Variants in DCDC1 observed in about 807,000 individuals in gnomAD.
The protein encoded by DCDC1 is doublecortin domain containing 1.
A neutral mutation model predicts 178.3 loss-of-function variants in DCDC1; 200 were observed. The ratio of observed to expected loss-of-function variants is 1.12; its 90% confidence interval spans 1.00 to 1.26. DCDC1 has a LOEUF of 1.26. Ranked by LOEUF, DCDC1 falls within the 50% of genes most tolerant of loss-of-function variation. DCDC1 has a pLI of 0.00. For missense variants in DCDC1, 1,983 were observed against 1,749.2 expected (o/e 1.13, Z -2.38); for synonymous variants, 690 against 604.8 (o/e 1.14, Z -2.07).
intron 20 of DCDC1, among the ~76,000 whole-genome samples, chr11:30,978,806 ACACACACACACACACACACACC>A (rs756499460): frequency 0.023 from 1,661 of 72,276 alleles, 16 homozygotes; most frequent in Non-Finnish European, 0.043. Context: ...ACACACACAC[ACACACACACACACACACACACC>A]CCCTTCTCAG....
At chr11:31,151,028 G>A (rs77057311) in intron 9 of DCDC1, among the ~76,000 whole-genome samples, 3,132 of 152,226 alleles carry the variant, frequency 0.021, 96 homozygotes, top group African/African-American at 0.07. Flanking sequence ...GAAAAGGGTG[G>A]GATACTCACT....
chr11:30,956,963 C>A (rs569360850), intron 20 of DCDC1, among the ~76,000 whole-genome samples: 52 of 152,234 alleles, frequency 3.4e-4, no homozygotes, highest in African/African-American at 1.3e-3. Flanking sequence ...CTGCTGGAGC[C>A]CTTCTTATTT....
intron 35 of DCDC1, 86 bp downstream of exon 35, chr11:30,894,162 A>C (rs781183574): frequency 2.4e-5 from 36 of 1,497,388 alleles, no homozygotes; most frequent in Non-Finnish European, 3.2e-5. Context: ...ATATATTAAC[A>C]GTATCATTTT....
Position 30,918,009 on chromosome 11 carries a change from C to CA in DCDC1, c.3294-982dup, listed in dbSNP as rs138362731. On this transcript the variant is annotated intron_variant, in intron 25 of 38. Transcript: ENST00000684477. ...GCCTCATTCAGAACTACAGGCAGCA[C>CA]AAGCGGCTTCTGAAGGCAAACCTCT... Among the ~76,000 whole-genome samples, 1,310 of 151,978 alleles carry CA rather than the reference C, an allele frequency of 8.6e-3. 21 individuals are homozygous for CA. The highest frequency in any genetic ancestry group is 0.03 in the African/African-American group (1,264 of 41,468).
chr11:31,111,638 C>T (rs553296616), intron 11 of DCDC1, among the ~76,000 whole-genome samples: 1 of 152,234 alleles, frequency 6.6e-6, no homozygotes, highest in South Asian at 2.1e-4. Flanking sequence ...TGCCTGCAAA[C>T]CTATGGAAAA....
chr11:31,036,446 C>G (rs891210355), intron 20 of DCDC1, among the ~76,000 whole-genome samples: 1 of 152,126 alleles, frequency 6.6e-6, no homozygotes, highest in Non-Finnish European at 1.5e-5. Flanking sequence ...TAAGCCCTGA[C>G]CCACCTATGT....
At chr11:31,266,774 C>T (rs1294223855) in intron 7 of DCDC1, among the ~76,000 whole-genome samples, 2 of 152,160 alleles carry the variant, frequency 1.3e-5, no homozygotes, top group Non-Finnish European at 2.9e-5. Flanking sequence ...AATTCATTAG[C>T]TTTGTGACAA....
chr11:31,368,791 A>C lies in DCDC1; in HGVS notation c.-125+906T>G, dbSNP rs1003301057. ...AAAACCATTTTAACATCTCCAAGTG[A>C]AATTTATGTCATGCTGGCCAAAAAT... On this transcript the variant is annotated intron_variant, in intron 1 of 38. Transcript: ENST00000684477. 3.3e-5 allele frequency among the ~76,000 whole-genome samples: 5 copies of C among 152,240 alleles called. No individual in the cohort carries two copies. The South Asian group carries it at 1.0e-3, about 31-fold the overall frequency.
intron 12 of DCDC1, among the ~76,000 whole-genome samples, chr11:31,107,897 T>C (rs950851959): frequency 6.6e-6 from 1 of 152,204 alleles, no homozygotes; most frequent in Non-Finnish European, 1.5e-5. Context: ...CTGTAATCCC[T>C]GCAGGGATGT....
At chr11:31,267,759 A>T (rs1945267218) in intron 7 of DCDC1, among the ~76,000 whole-genome samples, 1 of 152,200 alleles carries the variant, frequency 6.6e-6, no homozygotes, top group Non-Finnish European at 1.5e-5. Flanking sequence ...AATATAAAAA[A>T]GTATCAGGAA....
At chr11:31,045,596 TG>T (rs1173827615) in intron 20 of DCDC1, among the ~76,000 whole-genome samples, 2 of 152,302 alleles carry the variant, frequency 1.3e-5, no homozygotes, top group East Asian at 3.9e-4. Flanking sequence ...ACACAATTGC[TG>T]TAAGTTTAGA....
intron 27 of DCDC1, among the ~76,000 whole-genome samples, chr11:30,913,849 C>T (rs748526185): frequency 1.3e-5 from 2 of 152,148 alleles, no homozygotes; most frequent in Non-Finnish European, 2.9e-5. Context: ...TTTCTCTTGC[C>T]GTAGGGTCAC....
intron 9 of DCDC1, among the ~76,000 whole-genome samples, chr11:31,238,537 G>A (rs1181598934): frequency 1.3e-5 from 2 of 152,052 alleles, no homozygotes; most frequent in Admixed American, 6.6e-5. Flanking sequence ...CTTTTCACAC[G>A]TTCCTTCCAC....
chr11:31,296,946 T>G (rs1422179239), intron 6 of DCDC1, among the ~76,000 whole-genome samples: 1 of 152,172 alleles, frequency 6.6e-6, no homozygotes, highest in Non-Finnish European at 1.5e-5. Flanking sequence ...AATATGAGAT[T>G]TCCGTGGGGA....
intron 7 of DCDC1, among the ~76,000 whole-genome samples, chr11:31,268,279 A>C (rs1025923423): frequency 2.0e-5 from 3 of 152,198 alleles, no homozygotes; most frequent in Admixed American, 6.5e-5. Flanking sequence ...AATCTACTTG[A>C]AGGTAGTCCC....
chr11:30,943,626 C>A, intron 21 of DCDC1: 1 of 452,826 alleles, frequency 2.2e-6, no homozygotes, highest in Non-Finnish European at 4.4e-6. Context: ...CAACTTTTCC[C>A]CCATAGAGTG....
intron 18 of DCDC1, among the ~76,000 whole-genome samples, chr11:31,075,223 TTTCA>T (rs1956794621): frequency 6.6e-6 from 1 of 152,194 alleles, no homozygotes; most frequent in Non-Finnish European, 1.5e-5. Flanking sequence ...AAATATATTA[TTTCA>T]TTCTTTTTAA....
intron 20 of DCDC1, among the ~76,000 whole-genome samples, chr11:31,025,291 GAA>G (rs1953148406): frequency 6.6e-6 from 1 of 151,554 alleles, no homozygotes; most frequent in Non-Finnish European, 1.5e-5. Flanking sequence ...CATCTGCTGA[GAA>G]AAAGAGAGTA....
intron 1 of DCDC1, among the ~76,000 whole-genome samples, chr11:31,352,041 G>T (rs996541539): frequency 2.6e-5 from 4 of 152,070 alleles, no homozygotes; most frequent in Admixed American, 6.5e-5. Flanking sequence ...AACTATTATT[G>T]AGAAACATAT....
Sources: allele counts gnomAD v4.1 joint callset (sites outside exome capture counted in the v4.1 genomes callset), GRCh38; gene constraint gnomAD v4.1.1; transcripts MANE v1.5; gene names NCBI Gene and HGNC (gene_info 2026-07-23, HGNC 2026-07-21).